The following ZNF398 variants were observed in gnomAD, a reference collection of about 807,000 sequenced individuals.
ZNF398 encodes the protein zinc finger DNA binding protein ZER6.
A neutral mutation model predicts 41.9 loss-of-function variants in ZNF398; 18 were observed. The observed-to-expected ratio is 0.43, with a 90% CI of 0.30 to 0.64. ZNF398 has a LOEUF of 0.64. ZNF398 is among the 30% of genes least tolerant of loss of function. The pLI is 0.14. For synonymous variants in ZNF398, 260 were observed against 308.8 expected, an observed-to-expected ratio of 0.84 and a Z score of 1.66; for missense variants, 669 against 822.8, an observed-to-expected ratio of 0.81 and a Z score of 2.29.
intron 5 of ZNF398, among the ~76,000 whole-genome samples, chr7:149,178,114 AC>A (rs1795501273): frequency 6.6e-6 from 1 of 152,144 alleles, no homozygotes; most frequent in Non-Finnish European, 1.5e-5. Context: ...ACACAGTGAA[AC>A]CCTGTCTCTA....
At chr7:149,140,788 C>T (rs994404905) in intron 2 of ZNF398, among the ~76,000 whole-genome samples, 3 of 151,990 alleles carry the variant, frequency 2.0e-5, no homozygotes, top group Non-Finnish European at 4.4e-5. Flanking sequence ...ACCAGGAATC[C>T]CAGCACTTTG....
chr7:149,159,728 A>AT (rs1795061602), intron 2 of ZNF398, among the ~76,000 whole-genome samples: 1 of 150,998 alleles, frequency 6.6e-6, no homozygotes. Flanking sequence ...AAAAAAAAAA[A>AT]ATTTTTTTTT....
chr7:149,144,370 GTAT>G, upstream of ZNF398, among the ~76,000 whole-genome samples: 1 of 152,246 alleles, frequency 6.6e-6, no homozygotes, highest in Middle Eastern at 3.4e-3. Context: ...GAGTGCAGTG[GTAT>G]TATTACAGCT....
chr7:149,130,514 C>T (rs566038689), intron 2 of ZNF398, among the ~76,000 whole-genome samples: 4 of 152,208 alleles, frequency 2.6e-5, no homozygotes, highest in Admixed American at 6.5e-5. Context: ...TGCTGAGTCA[C>T]GGTAAATATG....
At chr7:149,172,160 A>G (rs931334278) in intron 4 of ZNF398, among the ~76,000 whole-genome samples, 1 of 152,220 alleles carries the variant, frequency 6.6e-6, no homozygotes, top group Non-Finnish European at 1.5e-5. Flanking sequence ...TAGAGACTAC[A>G]TACAGTAGTC....
At chr7:149,128,532 A>G (rs568480183) in intron 1 of ZNF398, among the ~76,000 whole-genome samples, 2 of 152,140 alleles carry the variant, frequency 1.3e-5, no homozygotes, top group East Asian at 1.9e-4. Flanking sequence ...GGATTGCCTG[A>G]GCACAGGAGT....
chr7:149,165,628 A>G (rs1307215937), intron 2 of ZNF398, among the ~76,000 whole-genome samples: 1 of 152,238 alleles, frequency 6.6e-6, no homozygotes, highest in Admixed American at 6.5e-5. Context: ...GGTTCCTAAC[A>G]TGCCTCCAAA....
chr7:149,134,256 G>C (rs866677544), intron 2 of ZNF398, among the ~76,000 whole-genome samples: 2 of 150,802 alleles, frequency 1.3e-5, no homozygotes, highest in African/African-American at 2.4e-5. Context: ...TGTTTTTTTT[G>C]GATTTTTAGT....
intron 2 of ZNF398, among the ~76,000 whole-genome samples, chr7:149,134,760 T>C (rs1195302777): frequency 1.3e-5 from 2 of 152,222 alleles, no homozygotes; most frequent in African/African-American, 4.8e-5. Flanking sequence ...GGACAGAGTC[T>C]GGCTCTGTCG....
intron 3 of ZNF398, 91 bp from the exon 4 acceptor site, chr7:149,166,726 A>G: frequency 1.2e-6 from 1 of 817,088 alleles, no homozygotes; most frequent in East Asian, 2.7e-5. Context: ...TGGCACTGTG[A>G]CCACAAAGCT....
At chr7:149,148,597 A>G (rs1304489342) in intron 1 of ZNF398, 1 of 500,328 alleles carries the variant, frequency 2.0e-6, no homozygotes, top group African/African-American at 2.1e-5. Flanking sequence ...AGCAGAGGGA[A>G]GTGCCACCTC....
At chr7:149,174,037 G>T in intron 4 of ZNF398, among the ~76,000 whole-genome samples, 1 of 151,780 alleles carries the variant, frequency 6.6e-6, no homozygotes, top group East Asian at 1.9e-4. Flanking sequence ...CAGGTGATCC[G>T]CCCGCCTTGG....
intron 2 of ZNF398, among the ~76,000 whole-genome samples, chr7:149,131,617 C>T (rs1179829754): frequency 2.0e-5 from 3 of 152,094 alleles, no homozygotes; most frequent in African/African-American, 4.8e-5. Context: ...ACCTTGGAGG[C>T]GTTGGTTGCA....
chr7:149,165,356 A>G (rs1281529819), intron 2 of ZNF398, among the ~76,000 whole-genome samples: 3 of 152,212 alleles, frequency 2.0e-5, no homozygotes, highest in African/African-American at 7.2e-5. Flanking sequence ...TGCTTCATGA[A>G]TGTATCTCAG....
intron 2 of ZNF398, among the ~76,000 whole-genome samples, chr7:149,138,760 T>G (rs934463600): frequency 1.3e-5 from 2 of 152,188 alleles, no homozygotes; most frequent in Non-Finnish European, 2.9e-5. Context: ...GGCCTTTGTC[T>G]TTATACAACC....
upstream of ZNF398, chr7:149,147,116 G>T (rs1211382175): frequency 6.6e-6 from 1 of 152,126 alleles, no homozygotes; most frequent in Non-Finnish European, 1.5e-5. This position sits in a 1 kb window ranked among gnomAD's most constrained non-coding sequence, Gnocchi z 5.6. Flanking sequence ...GCACATTTCC[G>T]CTGTTCTAAA....
At chr7:149,154,411 G>T in intron 2 of ZNF398, 71 bp downstream of exon 2, 2 of 1,454,946 alleles carry the variant, frequency 1.4e-6, no homozygotes, top group Non-Finnish European at 1.8e-6. Context: ...TGGTCATTCA[G>T]TTACTTAGAT....
Position 149,179,655 on chromosome 7 carries a change from G to A in ZNF398, c.1783G>A (p.Gly595Arg), listed in dbSNP as rs1385306583. 2 of 1,614,208 alleles carry A rather than the reference G, an allele frequency of 1.2e-6. No individual in the cohort carries two copies. The highest frequency in any genetic ancestry group is 3.3e-5 in the Admixed American group (2 of 60,024). ...CCGTTCAGGCCACAATGGAGGCTGT[G>A]GGGGTGATAGTGACCCATCAGGTCA... ...HLRSGHNGGC[G>R]GDSDPSGQPP... The change falls in exon 6 of 6, where the codon GGG (glycine) becomes AGG (arginine). Residue 595 changes from glycine to arginine, a missense_variant. Physicochemically the swap from Gly to Arg is moderately radical, Grantham distance 125. This residue lies in a region of ZNF398 where 210 missense variants were observed against 290.4 expected (regional missense o/e 0.72). Coordinates refer to ENST00000475153, the MANE Select transcript of ZNF398 (RefSeq NM_170686.3). The surrounding 1 kb of genome is among the most constrained non-coding windows in gnomAD (Gnocchi z 6.1).
Position 149,180,164 on chromosome 7 carries a change from G to C in ZNF398, c.*363G>C, listed in dbSNP as rs1195485345. 5.7e-6 allele frequency: 1 copy of C among 175,636 alleles called. No homozygotes were observed. Among genetic ancestry groups the C allele is most frequent in the Admixed American group, 5.7e-5 (1 of 17,474 alleles). The allele number at this position is 175,636 out of a possible 1,614,324, so 10.9% of individuals were successfully genotyped here. On this transcript the variant is annotated 3_prime_UTR_variant, in exon 6 of 6. Coordinates refer to ENST00000475153, the MANE Select transcript of ZNF398 (RefSeq NM_170686.3). ...ATAGTAGATTATGTCTCTAGGTAGAGACAGATACATGAGAAGAGCCTCCAA... is the reference window on the plus strand; with the variant it reads ...ATAGTAGATTATGTCTCTAGGTAGACACAGATACATGAGAAGAGCCTCCAA...
Sources: gnomAD v4.1 joint callset for allele counts (sites outside exome capture counted in the v4.1 genomes callset) on GRCh38, gnomAD v4.1.1 for gene constraint, gnomAD v4.1.1 regional missense constraint, Gnocchi (gnomAD v3.1) non-coding constraint, MANE v1.5 for transcripts, NCBI Gene and HGNC (gene_info 2026-07-23, HGNC 2026-07-21) for gene names.